TERB1: variants seen among roughly 807,000 people sequenced by gnomAD.
The protein encoded by TERB1 is telomere repeat binding bouquet formation protein 1, also known as telomere repeats-binding bouquet formation protein 1.
In TERB1, 63 loss-of-function variants were observed where a neutral mutation model predicts 92.3. The ratio of observed to expected loss-of-function variants is 0.68; its 90% confidence interval spans 0.56 to 0.84. The LOEUF (loss-of-function observed/expected upper bound fraction) is 0.84. Ranked by LOEUF, TERB1 falls within the 40% of genes least tolerant of loss-of-function variation. The pLI, the probability that TERB1 is intolerant of heterozygous loss-of-function variation, is 0.00. For missense variants in TERB1, 709 were observed against 843.7 expected (o/e 0.84, Z 1.98); for synonymous variants, 252 against 283.9 (o/e 0.89, Z 1.13).
intron 9 of TERB1, among the ~76,000 whole-genome samples, chr16:66,782,691 C>A (rs1297120429): frequency 6.6e-6 from 1 of 152,118 alleles, no homozygotes; most frequent in Non-Finnish European, 1.5e-5. Context: ...TTATCCTAGC[C>A]CCTTTGCATT....
chr16:66,770,067 G>A lies in TERB1; in HGVS notation c.1515C>T (p.Tyr505=). Residue 505 remains tyrosine, a synonymous_variant, in exon 14 of 19, where the codon TAC becomes TAT. Transcript: ENST00000433154. ...LKSANPVHAC[Y]RESEQNKTLY... ...AAGTCTTATTTTGCTCACTCTCCCT[G>A]TAACAAGCATGGACTGGATTTGCGC... is the stretch of plus-strand genomic sequence containing the variant. The A allele has an allele frequency of 6.4e-7, 1 of 1,551,858 alleles. No homozygotes were observed. Among genetic ancestry groups the A allele is most frequent in the Non-Finnish European group, 8.7e-7 (1 of 1,147,014 alleles).
chr16:66,797,858 T>C (rs1314675311), intron 2 of TERB1, among the ~76,000 whole-genome samples: 1 of 152,110 alleles, frequency 6.6e-6, no homozygotes, highest in Non-Finnish European at 1.5e-5. Flanking sequence ...TAGAACCATT[T>C]TTAAAATAAC....
chr16:66,779,457 G>C (rs1163304556), intron 9 of TERB1, among the ~76,000 whole-genome samples: 1 of 152,068 alleles, frequency 6.6e-6, no homozygotes, highest in Admixed American at 6.6e-5. Flanking sequence ...AATAAGCTGG[G>C]TGTGGTGGTG....
intron 6 of TERB1, 49 bp downstream of exon 6, chr16:66,788,120 T>A (rs574098551): frequency 8.4e-6 from 11 of 1,308,942 alleles, no homozygotes; most frequent in Admixed American, 3.7e-5. Flanking sequence ...ATAATGGCTG[T>A]TCCAATTGAT....
intron 13 of TERB1, among the ~76,000 whole-genome samples, chr16:66,771,289 A>T (rs1374732661): frequency 1.3e-5 from 2 of 152,202 alleles, no homozygotes; most frequent in Non-Finnish European, 2.9e-5. Flanking sequence ...ACACTCACAA[A>T]GATCAAAACG....
intron 2 of TERB1, among the ~76,000 whole-genome samples, chr16:66,800,394 T>TTTG (rs1555510272): frequency 7.4e-6 from 1 of 135,260 alleles, no homozygotes; most frequent in Non-Finnish European, 1.6e-5. Context: ...TAAAGAAAGT[T>TTTG]TTTTTTTTTT....
Position 66,796,759 on chromosome 16 carries a change from A to G in TERB1, c.31+9T>C, listed in dbSNP as rs1458957764. 1 of 1,532,106 alleles carries G rather than the reference A, an allele frequency of 6.5e-7. No individual in the cohort carries two copies. The highest frequency in any genetic ancestry group is 8.9e-7 in the Non-Finnish European group (1 of 1,129,560). 94.9% of individuals were successfully genotyped at this position (1,532,106 alleles called of 1,614,324 possible). On this transcript the variant is annotated intron_variant, in intron 3 of 18. Coordinates refer to ENST00000433154, the MANE Select transcript of TERB1 (RefSeq NM_001136505.2). ...CTCATTGCAGATATATGATCCATCA[A>G]TTTCTCACCTTGTGTTTTCTTTGTG...
intron 14 of TERB1, among the ~76,000 whole-genome samples, chr16:66,768,854 A>T (rs1023503017): frequency 6.6e-6 from 1 of 152,180 alleles, no homozygotes. Flanking sequence ...CTGTAATCCC[A>T]GCATTTTAGG....
At chr16:66,779,735 C>T (rs1377865007) in intron 9 of TERB1, among the ~76,000 whole-genome samples, 1 of 152,196 alleles carries the variant, frequency 6.6e-6, no homozygotes, top group African/African-American at 2.4e-5. Flanking sequence ...TGCCTATTTT[C>T]TGCAATCCAA....
intron 13 of TERB1, 23 bp from the exon 14 acceptor site, chr16:66,770,332 A>C: frequency 7.2e-7 from 1 of 1,388,026 alleles, no homozygotes. Flanking sequence ...AATGACAAAT[A>C]ATTTCAATAT....
At chr16:66,794,916 A>ACACACACAC (rs1182336404) in intron 3 of TERB1, among the ~76,000 whole-genome samples, 73 of 90,974 alleles carry the variant, frequency 8.0e-4, no homozygotes, top group African/African-American at 2.1e-3. Flanking sequence ...TCTCAAAAAA[A>ACACACACAC]AAAAAAACAC....
chr16:66,758,841 GA>G lies in TERB1; in HGVS notation c.1931-4del, dbSNP rs763019319. 1.3e-5 allele frequency: 20 copies of G among 1,515,644 alleles called. No homozygotes were observed. The highest frequency in any genetic ancestry group is 1.7e-5 in the Non-Finnish European group (19 of 1,120,986). The allele number at this position is 1,515,644 out of a possible 1,614,324, so 93.9% of individuals were successfully genotyped here. On this transcript the variant is annotated splice_polypyrimidine_tract_variant and splice_region_variant and intron_variant, in intron 17 of 18. Transcript: ENST00000433154. ...TCTACGTGGGGTCAGCAGAATTTCT[GA>G]AAAATATGGAAAACATTTAGCACAT...
At chr16:66,782,277 C>T (rs780770437) in intron 9 of TERB1, among the ~76,000 whole-genome samples, 5 of 152,084 alleles carry the variant, frequency 3.3e-5, no homozygotes, top group African/African-American at 7.2e-5. Context: ...AGGCCAGGTG[C>T]GGTGGCTCAT....
chr16:66,756,493 G>A (rs1597004815), intron 18 of TERB1, among the ~76,000 whole-genome samples: 1 of 152,154 alleles, frequency 6.6e-6, no homozygotes, highest in Admixed American at 6.5e-5. Context: ...ATAAATACTT[G>A]TTGAGAGAAA....
chr16:66,791,578 T>C (rs2018835999), intron 3 of TERB1, among the ~76,000 whole-genome samples: 1 of 151,990 alleles, frequency 6.6e-6, no homozygotes. Context: ...CCAGATGAAT[T>C]AGGAAAAAAG....
intron 3 of TERB1, among the ~76,000 whole-genome samples, chr16:66,794,043 TA>T (rs1444896011): frequency 5.9e-5 from 9 of 152,180 alleles, no homozygotes; most frequent in Non-Finnish European, 8.8e-5. Flanking sequence ...TGATGGAGCA[TA>T]ATGATTTTCA....
At chr16:66,759,024 G>C (rs1597006277) in intron 17 of TERB1, 117 bp downstream of exon 17, 1 of 1,057,650 alleles carries the variant, frequency 9.5e-7, no homozygotes, top group East Asian at 2.6e-5. Context: ...GTTGCTTAGA[G>C]ACAGATTTTC....
intron 3 of TERB1, among the ~76,000 whole-genome samples, chr16:66,792,176 T>A (rs917553947): frequency 7.2e-5 from 11 of 152,198 alleles, no homozygotes; most frequent in African/African-American, 2.7e-4. Context: ...CTTTTGGTCA[T>A]CTCAATAGAT....
At chr16:66,799,386 C>A (rs987680935) in intron 2 of TERB1, among the ~76,000 whole-genome samples, 3 of 151,998 alleles carry the variant, frequency 2.0e-5, no homozygotes, top group South Asian at 2.1e-4. Context: ...CACCACCATG[C>A]CTGGCTAATT....
Sources: gnomAD v4.1 joint callset for allele counts (sites outside exome capture counted in the v4.1 genomes callset) on GRCh38, gnomAD v4.1.1 for gene constraint, MANE v1.5 for transcripts, NCBI Gene and HGNC (gene_info 2026-07-23, HGNC 2026-07-21) for gene names.